Variants in FGF12 observed in about 807,000 individuals in gnomAD.
The protein encoded by FGF12 is fibroblast growth factor 12.
A neutral mutation model predicts 23.6 loss-of-function variants in FGF12; 14 were observed. That is an observed-to-expected ratio of 0.59 (90% CI 0.39 to 0.93). The LOEUF (loss-of-function observed/expected upper bound fraction) is 0.93. Ranked by LOEUF, FGF12 falls within the 40% of genes least tolerant of loss-of-function variation. The pLI, the probability that FGF12 is intolerant of heterozygous loss-of-function variation, is 0.00. For missense variants in FGF12, 175 were observed against 217.8 expected, an observed-to-expected ratio of 0.80 and a Z score of 1.24; for synonymous variants, 62 against 77.3, an observed-to-expected ratio of 0.80 and a Z score of 1.04.
rs1402486597 is a variant in FGF12 at position 192,140,208 on chromosome 3, A to G, written c.*3801T>C. The G allele has an allele frequency of 6.6e-6, 1 of 152,114 alleles. No homozygotes were observed. Among genetic ancestry groups the G allele is most frequent in the Non-Finnish European group, 1.5e-5 (1 of 67,950 alleles). 9.4% of individuals were successfully genotyped at this position (152,114 alleles called of 1,614,324 possible). Reference sequence around the variant, plus strand: ...CCTTATTTCAGAAGCATATGTATATATACACATATATATTTGTAGAACAAT... The same window carrying G: ...CCTTATTTCAGAAGCATATGTATATGTACACATATATATTTGTAGAACAAT... On this transcript the variant is annotated 3_prime_UTR_variant, in exon 6 of 6. Transcript: ENST00000445105.
intron 2 of FGF12, among the ~76,000 whole-genome samples, chr3:192,407,510 G>A (rs569556066): frequency 6.6e-6 from 1 of 152,298 alleles, no homozygotes; most frequent in East Asian, 1.9e-4. Context: ...GCTGGAGGAA[G>A]AGTTGGAAAA....
chr3:192,177,191 C>T (rs960613515), intron 4 of FGF12, among the ~76,000 whole-genome samples: 3 of 152,216 alleles, frequency 2.0e-5, no homozygotes, highest in Non-Finnish European at 2.9e-5. Flanking sequence ...CAGTTAACCT[C>T]TCTGAGCCTC....
intron 4 of FGF12, among the ~76,000 whole-genome samples, chr3:192,213,272 T>G (rs565518665): frequency 2.7e-4 from 41 of 152,246 alleles, no homozygotes; most frequent in Non-Finnish European, 5.1e-4. Flanking sequence ...TCCAATTCTT[T>G]TTTTTTTCCC....
At chr3:192,506,781 A>C (rs4339057) in intron 2 of FGF12, among the ~76,000 whole-genome samples, 138,222 of 152,116 alleles carry the variant, frequency 0.91, 62,841 homozygotes, top group African/African-American at 0.93. Flanking sequence ...GTCTGTTCTA[A>C]CAGCCGTATG....
At chr3:192,165,673 G>A (rs73191578) in intron 5 of FGF12, among the ~76,000 whole-genome samples, 22,582 of 152,090 alleles carry the variant, frequency 0.15, 1,797 homozygotes, top group Admixed American at 0.19. Flanking sequence ...ATCATATCAT[G>A]TATTCCTGTC....
At chr3:192,562,920 G>A (rs372538240) in intron 2 of FGF12, among the ~76,000 whole-genome samples, 26 of 151,916 alleles carry the variant, frequency 1.7e-4, no homozygotes, top group African/African-American at 1.2e-4. Flanking sequence ...GCATTCACAC[G>A]GATTTCCCAT....
At position 192,140,644 on chromosome 3, in the gene FGF12, T is replaced by C. The variant is rs892698023; in HGVS notation, c.*3365A>G. On this transcript the variant is annotated 3_prime_UTR_variant, in exon 6 of 6. Transcript: ENST00000445105. The stretch of plus-strand genomic sequence containing the variant: ...ACTACCAATCTAGATATTAGATTGT[T>C]GCTATTTTATTAAACAGAAGAGTCT... 1.3e-5 allele frequency: 2 copies of C among 152,038 alleles called. No homozygotes were observed. The highest frequency in any genetic ancestry group is 2.9e-5 in the Non-Finnish European group (2 of 67,900). 9.4% of individuals were successfully genotyped at this position (152,038 alleles called of 1,614,324 possible). A position where few individuals can be genotyped will look rare whatever the true frequency, so the allele number is the denominator to read the frequency against.
At chr3:192,498,340 T>C (rs2108830925) in intron 2 of FGF12, among the ~76,000 whole-genome samples, 1 of 152,376 alleles carries the variant, frequency 6.6e-6, no homozygotes, top group Non-Finnish European at 1.5e-5. Context: ...TAAATGTGTC[T>C]AATCACTAGT....
intron 2 of FGF12, among the ~76,000 whole-genome samples, chr3:192,417,331 A>C (rs1176505331): frequency 1.3e-5 from 2 of 150,316 alleles, no homozygotes; most frequent in Non-Finnish European, 3.0e-5. Flanking sequence ...TGTTGACTTC[A>C]TGCCAAGAGA....
intron 2 of FGF12, among the ~76,000 whole-genome samples, chr3:192,620,205 T>C (rs578065460): frequency 6.6e-6 from 1 of 151,996 alleles, no homozygotes; most frequent in South Asian, 2.1e-4. Flanking sequence ...CAAAAAAAAT[T>C]CGTGATTCAG....
intron 2 of FGF12, among the ~76,000 whole-genome samples, chr3:192,488,244 C>T (rs993801190): frequency 6.6e-6 from 1 of 151,988 alleles, no homozygotes; most frequent in Middle Eastern, 3.2e-3. Flanking sequence ...TTGAAACATA[C>T]CAATAGATAC....
In FGF12 at chr3:192,537,950, C is replaced by CTTTTTTTTTTTTTTTTTTTTTTTTTTTT. The variant is rs370317111; in HGVS notation, c.14-177413_14-177412insAAAAAAAAAAAAAAAAAAAAAAAAAAAA. Among the ~76,000 whole-genome samples, 69 of 121,360 alleles carry CTTTTTTTTTTTTTTTTTTTTTTTTTTTT rather than the reference C, an allele frequency of 5.7e-4. 4 individuals are homozygous for CTTTTTTTTTTTTTTTTTTTTTTTTTTTT. The highest frequency in any genetic ancestry group is 1.2e-3 in the African/African-American group (42 of 33,708). The allele number at this position is 121,360 out of a possible 152,430, so 79.6% of individuals were successfully genotyped here. The stretch of plus-strand genomic sequence containing the variant: ...AAGGTCTTAGATTTAAGCCTTTAAC[C>CTTTTTTTTTTTTTTTTTTTTTTTTTTTT]TTTTTTTTTTTTTGAGATGGAGTTT... On this transcript the variant is annotated intron_variant, in intron 2 of 5. Coordinates refer to ENST00000445105, the MANE Select transcript of FGF12 (RefSeq NM_004113.6).
At chr3:192,333,847 G>A (rs911341972) in intron 4 of FGF12, among the ~76,000 whole-genome samples, 1 of 152,008 alleles carries the variant, frequency 6.6e-6, no homozygotes, top group Non-Finnish European at 1.5e-5. Flanking sequence ...CCCACCATGC[G>A]AAATGTGGTA....
intron 4 of FGF12, among the ~76,000 whole-genome samples, chr3:192,186,157 T>C (rs1364978273): frequency 1.3e-5 from 2 of 152,186 alleles, no homozygotes; most frequent in Non-Finnish European, 2.9e-5. Flanking sequence ...TTCAAATATA[T>C]GTTAACTTGA....
intron 4 of FGF12, among the ~76,000 whole-genome samples, chr3:192,290,098 G>T (rs565825888): frequency 1.3e-5 from 2 of 152,198 alleles, no homozygotes; most frequent in South Asian, 4.1e-4. Flanking sequence ...GTTTTAGTTA[G>T]ATGAGAATAA....
chr3:192,653,296 G>T (rs1335082301), intron 2 of FGF12, among the ~76,000 whole-genome samples: 1 of 152,126 alleles, frequency 6.6e-6, no homozygotes, highest in Non-Finnish European at 1.5e-5. Context: ...CATAGCTCTT[G>T]TTTTTGAGGC....
chr3:192,366,826 C>A (rs185019631), intron 2 of FGF12, among the ~76,000 whole-genome samples: 1 of 152,304 alleles, frequency 6.6e-6, no homozygotes, highest in Admixed American at 6.5e-5. Context: ...GCTGTCTCCA[C>A]GTTCTTGAAA....
In FGF12 at chr3:192,658,856, A is replaced by AAAAC. The variant is rs529264525; in HGVS notation, c.13+68321_13+68324dup. Among the ~76,000 whole-genome samples the AAAAC allele has an allele frequency of 1.1e-3, 175 of 152,218 alleles. 2 individuals are homozygous for AAAAC. In the South Asian group the frequency reaches 0.023, roughly 20 times the overall value. Reference sequence around the variant, plus strand: ...TTTATAGGCTTTCCATTTGTTCTAAAAAACAAACAAACAAACAAAAAACCA... The same window carrying AAAAC: ...TTTATAGGCTTTCCATTTGTTCTAAAAAACAAACAAACAAACAAACAAAAAACCA... On this transcript the variant is annotated intron_variant, in intron 2 of 5. Coordinates refer to ENST00000445105, the MANE Select transcript of FGF12 (RefSeq NM_004113.6).
intron 4 of FGF12, among the ~76,000 whole-genome samples, chr3:192,275,689 C>A (rs972312294): frequency 1.2e-4 from 19 of 152,192 alleles, no homozygotes; most frequent in African/African-American, 4.6e-4. Context: ...GGTAAGATAT[C>A]CTTTTTAGTT....
Sources: gnomAD v4.1 joint callset for allele counts (sites outside exome capture counted in the v4.1 genomes callset) on GRCh38, gnomAD v4.1.1 for gene constraint, MANE v1.5 for transcripts, NCBI Gene and HGNC (gene_info 2026-07-23, HGNC 2026-07-21) for gene names.